MED26: variants seen among roughly 807,000 people sequenced by gnomAD.
MED26 encodes mediator complex subunit 26, also known as mediator of RNA polymerase II transcription subunit 26.
MED26 carries 7 observed loss-of-function variants against 43.7 expected under a neutral mutation model. That is an observed-to-expected ratio of 0.16 (90% CI 0.09 to 0.30). MED26 has a LOEUF of 0.30. Ranked by LOEUF, MED26 falls within the 10% of genes least tolerant of loss-of-function variation. MED26 has a pLI of 1.00. For missense variants in MED26, 784 were observed against 840.6 expected, an observed-to-expected ratio of 0.93 and a Z score of 0.83; for synonymous variants, 375 against 371.1, an observed-to-expected ratio of 1.01 and a Z score of -0.12.
chr19:16,591,815 C>T (rs188927212), intron 1 of MED26, among the ~76,000 whole-genome samples: 7 of 152,304 alleles, frequency 4.6e-5, no homozygotes, highest in Admixed American at 1.3e-4. Context: ...CTCCTAATTC[C>T]GCATGGTTTT....
At chr19:16,578,978 G>A (rs2086029112) in intron 1 of MED26, among the ~76,000 whole-genome samples, 1 of 152,178 alleles carries the variant, frequency 6.6e-6, no homozygotes, top group African/African-American at 2.4e-5. Context: ...GCATGCGCCT[G>A]TAGTTCCAGC....
chr19:16,579,601 TCAA>T (rs1187512759), intron 1 of MED26, among the ~76,000 whole-genome samples: 1 of 152,110 alleles, frequency 6.6e-6, no homozygotes, highest in East Asian at 1.9e-4. Context: ...TTCCTACCAC[TCAA>T]CCACCACCTC....
chr19:16,618,539 C>G (rs759367141), intron 1 of MED26, among the ~76,000 whole-genome samples: 1 of 152,196 alleles, frequency 6.6e-6, no homozygotes, highest in Admixed American at 6.5e-5. Context: ...GACCTCACAC[C>G]AGCCAAACCA....
chr19:16,614,588 G>C (rs879192911), intron 1 of MED26, among the ~76,000 whole-genome samples: 1 of 152,140 alleles, frequency 6.6e-6, no homozygotes, highest in Admixed American at 6.5e-5. Flanking sequence ...CCCAGGCCTG[G>C]AGGGAGGAGG....
chr19:16,591,257 G>A (rs2086096407), intron 1 of MED26, among the ~76,000 whole-genome samples: 1 of 151,954 alleles, frequency 6.6e-6, no homozygotes, highest in Admixed American at 6.6e-5. Flanking sequence ...CCTTTGGGGA[G>A]GCTCCTTCTC....
chr19:16,603,162 C>T (rs962757127), intron 1 of MED26, among the ~76,000 whole-genome samples: 2 of 152,170 alleles, frequency 1.3e-5, no homozygotes, highest in Non-Finnish European at 2.9e-5. Flanking sequence ...CTGAGGCAAA[C>T]GGGAGTCTCA....
At chr19:16,604,499 G>T (rs2057859025) in intron 1 of MED26, among the ~76,000 whole-genome samples, 1 of 152,192 alleles carries the variant, frequency 6.6e-6, no homozygotes, top group East Asian at 1.9e-4. Context: ...CTAAGCTCAG[G>T]AACGCCCAGG....
At chr19:16,616,124 G>A (rs2086225132) in intron 1 of MED26, among the ~76,000 whole-genome samples, 1 of 152,180 alleles carries the variant, frequency 6.6e-6, no homozygotes, top group African/African-American at 2.4e-5. Context: ...GAAGGCCATG[G>A]GAGCTAGATG....
intron 1 of MED26, among the ~76,000 whole-genome samples, chr19:16,598,068 C>T (rs1172617756): frequency 1.3e-5 from 2 of 151,790 alleles, no homozygotes; most frequent in Non-Finnish European, 2.9e-5. Flanking sequence ...GGTGCAGTGG[C>T]TCACGCCTGT....
At chr19:16,621,129 C>T (rs2086249753) in intron 1 of MED26, among the ~76,000 whole-genome samples, 2 of 152,192 alleles carry the variant, frequency 1.3e-5, no homozygotes, top group East Asian at 1.9e-4. Flanking sequence ...TGGGCACCAC[C>T]GATGTGGGAA....
At chr19:16,582,138 G>A (rs1275491061) in intron 1 of MED26, among the ~76,000 whole-genome samples, 1 of 152,242 alleles carries the variant, frequency 6.6e-6, no homozygotes, top group African/African-American at 2.4e-5. Flanking sequence ...ACAGAGAGAG[G>A]GTGAGTGTCC....
At chr19:16,609,577 C>A (rs558353746) in intron 1 of MED26, among the ~76,000 whole-genome samples, 12 of 151,662 alleles carry the variant, frequency 7.9e-5, no homozygotes, top group Non-Finnish European at 1.5e-4. Context: ...TTTCTTTTTC[C>A]TGAGAGCTGG....
rs2086076902 is a variant in MED26, at chr19:16,587,554, A to AGAGGAAGAATGACACTGG, written c.73-9163_73-9146dup. ...CAAAGCCTCAAGTTCACAGCTTCTC[A>AGAGGAAGAATGACACTGG]GAGGAAGAATGACACTGGGAGGAAC... On this transcript the variant is annotated intron_variant, in intron 1 of 2. Coordinates refer to ENST00000263390, the MANE Select transcript of MED26 (RefSeq NM_004831.5). The surrounding 1 kb of genome is among the most constrained non-coding windows in gnomAD (Gnocchi z 4.9). The AGAGGAAGAATGACACTGG allele has an allele frequency of 2.0e-5, 3 of 152,242 alleles. No homozygotes were observed. Among genetic ancestry groups the AGAGGAAGAATGACACTGG allele is most frequent in the African/African-American group, 7.2e-5 (3 of 41,444 alleles). The allele number at this position is 152,242 out of a possible 1,614,324, so 9.4% of individuals were successfully genotyped here.
At chr19:16,583,881 C>T (rs914313828) in intron 1 of MED26, among the ~76,000 whole-genome samples, 1 of 152,190 alleles carries the variant, frequency 6.6e-6, no homozygotes, top group African/African-American at 2.4e-5. Context: ...ATAGGCATCA[C>T]AGCTAGCATA....
intron 1 of MED26, among the ~76,000 whole-genome samples, chr19:16,606,213 T>C (rs1417629896): frequency 6.6e-6 from 1 of 152,198 alleles, no homozygotes; most frequent in African/African-American, 2.4e-5. Flanking sequence ...GGAGACTGTA[T>C]GGCCCCATAA....
intron 1 of MED26, among the ~76,000 whole-genome samples, 175 bp downstream of exon 1, chr19:16,627,697 G>A (rs1029596308): frequency 1.3e-5 from 2 of 152,234 alleles, no homozygotes; most frequent in African/African-American, 2.4e-5. Flanking sequence ...CTGCCGGGCT[G>A]CCCGACCTGC....
intron 1 of MED26, among the ~76,000 whole-genome samples, chr19:16,593,569 C>G (rs1387772709): frequency 6.6e-6 from 1 of 152,158 alleles, no homozygotes; most frequent in Non-Finnish European, 1.5e-5. Context: ...GGATGAAGTC[C>G]CTCATCCACG....
Position 16,628,098 on chromosome 19 carries a change from G to A in MED26, c.-155C>T, listed in dbSNP as rs1484928125. Reference sequence around the variant, plus strand: ...GGCGCGCGGGGTGGCGGAGAGGGGAGCCGGGGCCGGGTCTCGGTCCCGGGC... The same window carrying A: ...GGCGCGCGGGGTGGCGGAGAGGGGAACCGGGGCCGGGTCTCGGTCCCGGGC... On this transcript the variant is annotated 5_prime_UTR_variant, in exon 1 of 3. Transcript: ENST00000263390. 1 of 390,190 alleles carries A rather than the reference G, an allele frequency of 2.6e-6. No homozygotes were observed. Among genetic ancestry groups the A allele is most frequent in the Non-Finnish European group, 4.5e-6 (1 of 223,642 alleles). 24.2% of individuals were successfully genotyped at this position (390,190 alleles called of 1,614,324 possible).
intron 1 of MED26, among the ~76,000 whole-genome samples, chr19:16,601,759 G>A (rs754111164): frequency 6.6e-6 from 1 of 152,280 alleles, no homozygotes; most frequent in Non-Finnish European, 1.5e-5. Flanking sequence ...AGCATGCGCA[G>A]AGTGCCAGAC....
Sources: gnomAD v4.1 joint callset for allele counts (sites outside exome capture counted in the v4.1 genomes callset) on GRCh38, gnomAD v4.1.1 for gene constraint, Gnocchi (gnomAD v3.1) non-coding constraint, MANE v1.5 for transcripts, NCBI Gene and HGNC (gene_info 2026-07-23, HGNC 2026-07-21) for gene names.